Variants in MCF2L2 observed in about 807,000 individuals in gnomAD.
MCF2L2 encodes probable guanine nucleotide exchange factor MCF2L2.
MCF2L2 carries 102 observed loss-of-function variants against 150.2 expected under a neutral mutation model. The observed-to-expected ratio is 0.68, with a 90% confidence interval of 0.58 to 0.80. The LOEUF (loss-of-function observed/expected upper bound fraction) is 0.80. Ranked by LOEUF, MCF2L2 falls within the 30% of genes least tolerant of loss-of-function variation. The pLI is 0.00. For synonymous variants in MCF2L2, 465 were observed against 491.3 expected, an observed-to-expected ratio of 0.95 and a Z score of 0.71; for missense variants, 1,256 against 1,372.8, an observed-to-expected ratio of 0.91 and a Z score of 1.34.
chr3:183,354,928 T>G (rs1011385395), intron 3 of MCF2L2, among the ~76,000 whole-genome samples: 19 of 152,264 alleles, frequency 1.2e-4, no homozygotes, highest in African/African-American at 4.6e-4. Flanking sequence ...AAATCCATCA[T>G]GAATGCATGA....
chr3:183,209,037 G>T (rs1722594902), intron 22 of MCF2L2, among the ~76,000 whole-genome samples: 1 of 151,902 alleles, frequency 6.6e-6, no homozygotes, highest in African/African-American at 2.4e-5. Context: ...CAGCCACGAG[G>T]CCTTCTTTCC....
chr3:183,269,689 C>G, intron 15 of MCF2L2: 1 of 948,964 alleles, frequency 1.1e-6, no homozygotes. Context: ...TTTTAATGAC[C>G]AACATGTATT....
intron 3 of MCF2L2, among the ~76,000 whole-genome samples, chr3:183,361,648 C>T (rs1712213374): frequency 1.3e-5 from 2 of 152,212 alleles, no homozygotes; most frequent in Non-Finnish European, 2.9e-5. Context: ...ATTAAACCTC[C>T]TTTCTTCATA....
At chr3:183,358,608 T>G (rs1711929989) in intron 3 of MCF2L2, among the ~76,000 whole-genome samples, 1 of 152,086 alleles carries the variant, frequency 6.6e-6, no homozygotes, top group South Asian at 2.1e-4. Flanking sequence ...ATTCAACAGG[T>G]TGGTTACGGA....
At chr3:183,377,961 T>C (rs1038504051) in intron 3 of MCF2L2, 1 of 152,200 alleles carries the variant, frequency 6.6e-6, no homozygotes, top group African/African-American at 2.4e-5. Flanking sequence ...AGTACTAACT[T>C]TGAAGAAATG....
intron 3 of MCF2L2, among the ~76,000 whole-genome samples, chr3:183,358,361 T>C (rs925164192): frequency 1.3e-5 from 2 of 152,000 alleles, no homozygotes; most frequent in African/African-American, 2.4e-5. Context: ...ATGCATACCA[T>C]ATATGACCTA....
At chr3:183,203,319 G>C (rs903045923) in intron 25 of MCF2L2, among the ~76,000 whole-genome samples, 1 of 152,068 alleles carries the variant, frequency 6.6e-6, no homozygotes, top group Admixed American at 6.6e-5. Flanking sequence ...AAAAGTTAAA[G>C]GAAATCATAT....
chr3:183,304,790 A>G (rs1335145334), intron 10 of MCF2L2, among the ~76,000 whole-genome samples: 1 of 151,764 alleles, frequency 6.6e-6, no homozygotes, highest in African/African-American at 2.4e-5. Flanking sequence ...GTGATTTTTG[A>G]CTCTTTGGTT....
At chr3:183,195,369 T>C in intron 25 of MCF2L2, 114 bp from the exon 26 acceptor site, 2 of 693,540 alleles carry the variant, frequency 2.9e-6, no homozygotes, top group Non-Finnish European at 4.9e-6. Flanking sequence ...TATAAAAATA[T>C]ATAAAGGTGT....
chr3:183,246,665 T>C (rs1428308470), intron 15 of MCF2L2, among the ~76,000 whole-genome samples: 1 of 152,238 alleles, frequency 6.6e-6, no homozygotes, highest in Non-Finnish European at 1.5e-5. Context: ...TGCAAGTACC[T>C]GTCTGAGTCT....
At chr3:183,381,396 A>C (rs1378983633) in intron 2 of MCF2L2, among the ~76,000 whole-genome samples, 1 of 152,200 alleles carries the variant, frequency 6.6e-6, no homozygotes, top group Non-Finnish European at 1.5e-5. Context: ...CCACGTTACC[A>C]GTCTATCTGA....
At chr3:183,381,905 G>A (rs537929359) in intron 2 of MCF2L2, among the ~76,000 whole-genome samples, 78 of 152,172 alleles carry the variant, frequency 5.1e-4, no homozygotes, top group African/African-American at 1.5e-3. Flanking sequence ...GAGAATTTGC[G>A]TCTTTGAAAA....
chr3:183,224,244 G>T, intron 18 of MCF2L2, 54 bp from the exon 19 acceptor site: 2 of 1,133,418 alleles, frequency 1.8e-6, no homozygotes, highest in Non-Finnish European at 1.3e-6. Context: ...TCAGTAAGTG[G>T]ACAGGATGAT....
intron 1 of MCF2L2, among the ~76,000 whole-genome samples, chr3:183,427,284 A>G (rs1311491222): frequency 6.6e-6 from 1 of 152,162 alleles, no homozygotes; most frequent in Non-Finnish European, 1.5e-5. Context: ...GGAGCAAGCA[A>G]TGCATGTTTT....
intron 5 of MCF2L2, among the ~76,000 whole-genome samples, chr3:183,334,068 T>C (rs1200476984): frequency 1.3e-5 from 2 of 151,154 alleles, no homozygotes; most frequent in African/African-American, 4.9e-5. Flanking sequence ...ACCACGATAA[T>C]TGAGAATGGC....
chr3:183,230,884 T>C, intron 16 of MCF2L2, 67 bp downstream of exon 16: 1 of 1,275,232 alleles, frequency 7.8e-7, no homozygotes, highest in Non-Finnish European at 1.1e-6. Context: ...ATTTTGAGTC[T>C]CTTTGTACAA....
intron 27 of MCF2L2, among the ~76,000 whole-genome samples, chr3:183,192,063 G>A (rs537484696): frequency 6.6e-6 from 1 of 151,310 alleles, no homozygotes; most frequent in South Asian, 2.1e-4. Flanking sequence ...GTTAGCCAGG[G>A]TGATCTCGAT....
At chr3:183,405,777 G>A (rs1222577144) in intron 1 of MCF2L2, among the ~76,000 whole-genome samples, 4 of 152,260 alleles carry the variant, frequency 2.6e-5, no homozygotes, top group Admixed American at 6.5e-5. Flanking sequence ...GTGCAGTGGC[G>A]TGATCTTGGC....
intron 15 of MCF2L2, among the ~76,000 whole-genome samples, chr3:183,244,328 T>C (rs28475371): frequency 0.02 from 3,116 of 152,174 alleles, 98 homozygotes; most frequent in African/African-American, 0.07. Context: ...CTTACAACAG[T>C]AATTTGCCAG....
Sources: allele counts gnomAD v4.1 joint callset (sites outside exome capture counted in the v4.1 genomes callset), GRCh38; gene constraint gnomAD v4.1.1; transcripts MANE v1.5; gene names NCBI Gene and HGNC (gene_info 2026-07-23, HGNC 2026-07-21).